Variants in SEC16B observed in about 807,000 individuals in gnomAD.
The protein encoded by SEC16B is SEC16 homolog B, endoplasmic reticulum export factor.
A neutral mutation model predicts 141.8 loss-of-function variants in SEC16B; 115 were observed. That is an observed-to-expected ratio of 0.81 (90% CI 0.70 to 0.95). SEC16B has a LOEUF of 0.95. Among genes scored for constraint, SEC16B ranks in the 40% least tolerant of loss-of-function variants. The pLI, the probability that SEC16B is intolerant of heterozygous loss-of-function variation, is 0.00. For synonymous variants in SEC16B, 493 were observed against 492.5 expected, an observed-to-expected ratio of 1.00 and a Z score of -0.01; for missense variants, 1,291 against 1,312.3, an observed-to-expected ratio of 0.98 and a Z score of 0.25.
At chr1:177,936,782 C>T (rs190237401) in intron 19 of SEC16B, among the ~76,000 whole-genome samples, 21 of 152,254 alleles carry the variant, frequency 1.4e-4, no homozygotes, top group African/African-American at 4.6e-4. Context: ...CCCTTGTTGT[C>T]GAAGGTCTGA....
At chr1:177,953,535 G>A (rs966364872) in intron 11 of SEC16B, among the ~76,000 whole-genome samples, 8 of 152,098 alleles carry the variant, frequency 5.3e-5, no homozygotes, top group African/African-American at 1.9e-4. Context: ...GAGCCTGAAG[G>A]ACTTATTCAG....
chr1:177,937,352 C>T lies in SEC16B; in HGVS notation c.2365G>A (p.Ala789Thr). 1.9e-6 allele frequency: 3 copies of T among 1,613,570 alleles called. No individual in the cohort carries two copies. The highest frequency in any genetic ancestry group is 2.5e-6 in the Non-Finnish European group (3 of 1,179,786). ...GGCCTCGGTGTCCCTGTCTGCCCTG[C>T]ACCCCCTCCTGCTGGGTAGGAGCCC... ...QPGSYPAGGG[A>T]GQTGTPRPFY... is the part of the protein sequence containing the mutation. Residue 789 changes from alanine to threonine, a missense_variant, in exon 19 of 26, where the codon GCA becomes ACA. Ala to Thr is a moderately conservative substitution (Grantham distance 58). Coordinates refer to ENST00000308284, the MANE Select transcript of SEC16B (RefSeq NM_033127.4).
chr1:177,970,257 C>A (rs1041777344), upstream of SEC16B: 2 of 152,284 alleles, frequency 1.3e-5, no homozygotes, highest in East Asian at 1.9e-4. Context: ...AGTCCAGAAG[C>A]CCCAAGGCAG....
At chr1:177,960,091 C>T (rs1362097065) in intron 8 of SEC16B, 2 of 504,624 alleles carry the variant, frequency 4.0e-6, no homozygotes, top group South Asian at 6.2e-5. Flanking sequence ...GCAGCCTCTG[C>T]ATAATGGAAC....
At chr1:177,933,926 G>A (rs549803140) in intron 20 of SEC16B, among the ~76,000 whole-genome samples, 2 of 151,928 alleles carry the variant, frequency 1.3e-5, no homozygotes, top group South Asian at 2.1e-4. Flanking sequence ...TGGAGTAGGG[G>A]GTATGGACTG....
At chr1:177,961,273 A>G in intron 6 of SEC16B, 1 of 440,286 alleles carries the variant, frequency 2.3e-6, no homozygotes, top group Non-Finnish European at 4.0e-6. Context: ...AGACAAAGCA[A>G]TGAAGCTTTG....
At chr1:177,949,223 T>C (rs1196601982) in intron 12 of SEC16B, among the ~76,000 whole-genome samples, 1 of 152,188 alleles carries the variant, frequency 6.6e-6, no homozygotes, top group Non-Finnish European at 1.5e-5. Flanking sequence ...GCAGTTCTCA[T>C]GTGTCACATC....
chr1:177,952,003 GAGA>G lies in SEC16B; in HGVS notation c.1464-11_1464-9del, dbSNP rs1015790120. The G allele has an allele frequency of 3.1e-5, 49 of 1,594,150 alleles. No individual in the cohort carries two copies. Among genetic ancestry groups the G allele is most frequent in the Non-Finnish European group, 3.8e-5 (45 of 1,170,622 alleles). On this transcript the variant is annotated splice_polypyrimidine_tract_variant and intron_variant, in intron 11 of 25. Coordinates refer to ENST00000308284, the MANE Select transcript of SEC16B (RefSeq NM_033127.4). ...GCCAGCGTGCTGGTGAAGCTGCGGA[GAGA>G]AGGATAGTCAGCGAGGACCAAGCCC...
chr1:177,973,544 T>C (rs1654047066), upstream of SEC16B, among the ~76,000 whole-genome samples: 1 of 152,242 alleles, frequency 6.6e-6, no homozygotes, highest in Non-Finnish European at 1.5e-5. Flanking sequence ...CATCAGTTAC[T>C]AATTAGGCAT....
intron 12 of SEC16B, among the ~76,000 whole-genome samples, chr1:177,949,383 AACAC>A (rs61635250): frequency 0.023 from 3,081 of 136,736 alleles, 31 homozygotes; most frequent in South Asian, 0.029. Context: ...TCCCTTGCTA[AACAC>A]ACACACACAC....
Position 177,939,759 on chromosome 1 carries a change from T to A in SEC16B, c.2146A>T (p.Ile716Phe), listed in dbSNP as rs1169253271. 1 of 1,590,716 alleles carries A rather than the reference T, an allele frequency of 6.3e-7. No homozygotes were observed. The highest frequency in any genetic ancestry group is 8.6e-7 in the Non-Finnish European group (1 of 1,167,332). The change falls in exon 18 of 26, where the codon ATT (isoleucine) becomes TTT (phenylalanine). Residue 716 changes from isoleucine (I) to phenylalanine (F), a missense_variant. Around this residue, in one of 3 missense-constraint regions of SEC16B, gnomAD observed 605 missense variants for 614.1 expected, o/e 0.99. Transcript: ENST00000308284. ...RQLEQKVAGD[I>F]GDPHPTRSDI... ...GAGCGAGTAGGATGAGGATCCCCAA[T>A]GTCTCCTGCTACCTTTTGCTATTTA...
Position 177,951,944 on chromosome 1 carries a change from G to A in SEC16B, c.1515C>T (p.Leu505=). The A allele has an allele frequency of 6.2e-7, 1 of 1,607,346 alleles. No homozygotes were observed. Residue 505 remains leucine (L), a synonymous_variant, in exon 12 of 26, where the codon CTC becomes CTT. Coordinates refer to ENST00000308284, the MANE Select transcript of SEC16B (RefSeq NM_033127.4). ...CTGCCTGTGGAATCCTCCCCGACAT[G>A]AGCTGGAAGAGGGTCTGCAGTGGGT... is the stretch of plus-strand genomic sequence containing the variant. ...LNDPLQTLFQ[L]MSGRIPQAAT... is the part of the protein sequence containing the mutation.
intron 9 of SEC16B, 131 bp from the exon 10 acceptor site, chr1:177,958,493 C>T: frequency 1.5e-6 from 1 of 682,514 alleles, no homozygotes; most frequent in Non-Finnish European, 2.4e-6. Flanking sequence ...ATAAGGCAGT[C>T]CTTTGTTAGA....
intron 17 of SEC16B, among the ~76,000 whole-genome samples, chr1:177,940,311 T>C (rs1314115442): frequency 2.6e-5 from 4 of 152,184 alleles, no homozygotes; most frequent in African/African-American, 9.7e-5. Context: ...TTGATGGTCA[T>C]GAAACATATT....
intron 1 of SEC16B, among the ~76,000 whole-genome samples, chr1:177,982,619 T>G (rs1166246400): frequency 6.6e-6 from 1 of 152,234 alleles, no homozygotes; most frequent in African/African-American, 2.4e-5. Flanking sequence ...CAAAAAGGAC[T>G]GAACTGATGG....
Position 177,952,490 on chromosome 1 carries a change from C to T in SEC16B, c.1464-495G>A, listed in dbSNP as rs12088016. Reference sequence around the variant, plus strand: ...TCTGTAGTGCTTTTGCTCACAAGCGCTAAATAGCCATTTTCAGTAACCAAA... The same window carrying T: ...TCTGTAGTGCTTTTGCTCACAAGCGTTAAATAGCCATTTTCAGTAACCAAA... On this transcript the variant is annotated intron_variant, in intron 11 of 25. Coordinates refer to ENST00000308284, the MANE Select transcript of SEC16B (RefSeq NM_033127.4). Among the ~76,000 whole-genome samples, 928 of 152,240 alleles carry T rather than the reference C, an allele frequency of 6.1e-3. 12 individuals carry two copies. Among genetic ancestry groups the T allele is most frequent in the African/African-American group, 0.021 (870 of 41,518 alleles).
chr1:177,951,508 G>C (rs1249582739), intron 12 of SEC16B, among the ~76,000 whole-genome samples: 2 of 152,184 alleles, frequency 1.3e-5, no homozygotes, highest in African/African-American at 4.8e-5. Flanking sequence ...GAGAAAAGAA[G>C]GGCAGCCCTG....
chr1:177,959,056 G>A (rs756155736), intron 8 of SEC16B, 81 bp from the exon 9 acceptor site: 9 of 1,433,258 alleles, frequency 6.3e-6, no homozygotes, highest in African/African-American at 1.4e-5. Context: ...TCCTAAGTGT[G>A]CAAGTGCTGG....
In SEC16B at chr1:177,946,494, A is replaced by C; in HGVS notation, c.1701T>G (p.Tyr567Ter). The change falls in exon 14 of 26, where the codon TAT becomes TAG. Residue 567 changes from tyrosine (Y) to a stop codon, truncating the protein, a stop_gained. Coordinates refer to ENST00000308284, the MANE Select transcript of SEC16B (RefSeq NM_033127.4). LOFTEE classifies it high-confidence loss of function. ...GGCCAAAGGGCACGTGAGCCATGAG[A>C]TAGCAGAAGTGAGCTGCCTCCACAA... The part of the protein sequence containing the change: ...KGLVEAAHFC[Y>*]LMAHVPFGHY... 6.3e-7 allele frequency: 1 copy of C among 1,585,206 alleles called. No homozygotes were observed.
Sources: gnomAD v4.1 joint callset for allele counts (sites outside exome capture counted in the v4.1 genomes callset) on GRCh38, gnomAD v4.1.1 for gene constraint, gnomAD v4.1.1 regional missense constraint, MANE v1.5 for transcripts, NCBI Gene and HGNC (gene_info 2026-07-23, HGNC 2026-07-21) for gene names.